Variants in RPRD1A observed in about 807,000 individuals in gnomAD.
RPRD1A encodes regulation of nuclear pre-mRNA domain-containing protein 1A.
A neutral mutation model predicts 37.8 loss-of-function variants in RPRD1A; 9 were observed. The observed-to-expected ratio is 0.24, with a 90% CI of 0.14 to 0.42. The LOEUF (loss-of-function observed/expected upper bound fraction) is 0.42, where lower values mean the gene tolerates loss of function less well. RPRD1A is among the 10% of genes least tolerant of loss of function. RPRD1A has a pLI of 1.00. For missense variants in RPRD1A, 255 were observed against 371.0 expected (o/e 0.69, Z 2.57); for synonymous variants, 138 against 139.7 (o/e 0.99, Z 0.08).
At position 36,015,183 on chromosome 18, in the gene RPRD1A, C is replaced by T. The variant is rs1368130276; in HGVS notation, c.789+11717G>A. Among the ~76,000 whole-genome samples the T allele has an allele frequency of 9.6e-3, 1,391 of 145,456 alleles. 34 individuals are homozygous for T. The highest frequency in any genetic ancestry group is 0.034 in the African/African-American group (1,303 of 37,944). ...ATATATACACATATATACACACACA[C>T]ACACACACACACACACACACATTCA... On this transcript the variant is annotated intron_variant, in intron 6 of 6. Transcript: ENST00000399022.
intron 6 of RPRD1A, among the ~76,000 whole-genome samples, chr18:36,020,417 A>T (rs944319954): frequency 1.3e-5 from 2 of 152,202 alleles, no homozygotes; most frequent in African/African-American, 4.8e-5. Flanking sequence ...CTCTGGAGAA[A>T]ATGAATGGCC....
chr18:35,996,467 TA>T, intron 6 of RPRD1A, among the ~76,000 whole-genome samples: 1 of 152,284 alleles, frequency 6.6e-6, no homozygotes, highest in East Asian at 1.9e-4. Context: ...TTTCAACTTT[TA>T]CTAAAAAGTG....
At chr18:36,024,919 C>T (rs567131220) in intron 6 of RPRD1A, 1 of 152,228 alleles carries the variant, frequency 6.6e-6, no homozygotes, top group African/African-American at 2.4e-5. Context: ...TATTTCTGTA[C>T]TTGTAAAGAG....
At chr18:36,052,065 G>A (rs1030374029) in intron 1 of RPRD1A, among the ~76,000 whole-genome samples, 6 of 151,262 alleles carry the variant, frequency 4.0e-5, no homozygotes, top group Non-Finnish European at 7.4e-5. Context: ...AATCTTGAAA[G>A]CAGCAAGGAG....
At chr18:36,031,399 G>A (rs1911781599) in intron 2 of RPRD1A, among the ~76,000 whole-genome samples, 1 of 152,164 alleles carries the variant, frequency 6.6e-6, no homozygotes, top group Admixed American at 6.5e-5. Flanking sequence ...TGGACATGGG[G>A]CTAAGGAAGA....
chr18:36,012,093 T>C (rs9963714), intron 6 of RPRD1A, among the ~76,000 whole-genome samples: 35,115 of 152,098 alleles, frequency 0.23, 4,096 homozygotes, highest in East Asian at 0.25. Flanking sequence ...AGTACAGTCA[T>C]ACACTGCATT....
At position 36,008,577 on chromosome 18, in the gene RPRD1A, G is replaced by GTGTGTGTGTATATATATATATATATATA; in HGVS notation, c.790-15278_790-15277insTATATATATATATATATATACACACACA. On this transcript the variant is annotated intron_variant, in intron 6 of 6. Coordinates refer to ENST00000399022, the MANE Select transcript of RPRD1A (RefSeq NM_018170.5). ...GGCGACACAGCAAGACCTTGTGTGT[G>GTGTGTGTGTATATATATATATATATATA]TATATATATATATCTTTAAAAATCT... is the stretch of plus-strand genomic sequence containing the variant. Among the ~76,000 whole-genome samples the GTGTGTGTGTATATATATATATATATATA allele has an allele frequency of 4.6e-3, 219 of 47,776 alleles. 15 individuals are homozygous for GTGTGTGTGTATATATATATATATATATA. Among genetic ancestry groups the GTGTGTGTGTATATATATATATATATATA allele is most frequent in the Admixed American group, 0.011 (39 of 3,558 alleles). The allele number at this position is 47,776 out of a possible 152,430, so 31.3% of individuals were successfully genotyped here.
At chr18:36,032,725 A>G (rs1176818728) in intron 2 of RPRD1A, among the ~76,000 whole-genome samples, 5 of 152,256 alleles carry the variant, frequency 3.3e-5, no homozygotes, top group African/African-American at 1.2e-4. Context: ...TAAAGGTAAC[A>G]TAATTTCTTG....
At chr18:36,064,789 C>G (rs1392302540) in intron 1 of RPRD1A, among the ~76,000 whole-genome samples, 1 of 152,192 alleles carries the variant, frequency 6.6e-6, no homozygotes, top group African/African-American at 2.4e-5. Context: ...TTTGTTCTTT[C>G]ACTCTTCACA....
At chr18:36,055,199 G>A (rs1913675345) in intron 1 of RPRD1A, among the ~76,000 whole-genome samples, 1 of 152,144 alleles carries the variant, frequency 6.6e-6, no homozygotes, top group East Asian at 1.9e-4. Flanking sequence ...CAAAAATACT[G>A]TCCTTGACAA....
At chr18:36,013,684 A>AT (rs1262267562) in intron 6 of RPRD1A, among the ~76,000 whole-genome samples, 1 of 152,086 alleles carries the variant, frequency 6.6e-6, no homozygotes, top group Non-Finnish European at 1.5e-5. Flanking sequence ...TGACATCTTT[A>AT]TTTTTATCCT....
chr18:36,040,752 AAGCTTTTTAGGCAAGTGGTACTTACAT>A, intron 1 of RPRD1A: 2 of 1,110,316 alleles, frequency 1.8e-6, no homozygotes, highest in Non-Finnish European at 2.5e-6. Context: ...AAAAATTTCT[AAGCTTTTTAGGCAAGTGGTACTTACAT>A]AGAAGAAAAG....
chr18:36,048,354 C>G (rs1006173500), intron 1 of RPRD1A, among the ~76,000 whole-genome samples: 1 of 152,088 alleles, frequency 6.6e-6, no homozygotes, highest in Non-Finnish European at 1.5e-5. Context: ...GCGTGAGCCA[C>G]CGCACCCGGC....
chr18:36,067,097 C>T (rs1026366748), intron 1 of RPRD1A, among the ~76,000 whole-genome samples, 157 bp downstream of exon 1: 1 of 152,240 alleles, frequency 6.6e-6, no homozygotes, highest in Non-Finnish European at 1.5e-5. Context: ...CCAGACTTTG[C>T]AGAAGCGTGG....
Position 36,008,577 on chromosome 18 carries a change from G to GTGTGTGTGTGTGTATATATATATA in RPRD1A, c.790-15278_790-15277insTATATATATATACACACACACACA. ...GGCGACACAGCAAGACCTTGTGTGT[G>GTGTGTGTGTGTGTATATATATATA]TATATATATATATCTTTAAAAATCT... On this transcript the variant is annotated intron_variant, in intron 6 of 6. Transcript: ENST00000399022. 1.9e-4 allele frequency among the ~76,000 whole-genome samples: 9 copies of GTGTGTGTGTGTGTATATATATATA among 47,802 alleles called. 2 individuals are homozygous for GTGTGTGTGTGTGTATATATATATA. Among genetic ancestry groups the GTGTGTGTGTGTGTATATATATATA allele is most frequent in the African/African-American group, 6.1e-4 (9 of 14,812 alleles). 31.4% of individuals were successfully genotyped at this position (47,802 alleles called of 152,430 possible). A position where few individuals can be genotyped will look rare whatever the true frequency, so the allele number is the denominator to read the frequency against.
chr18:36,053,524 T>C (rs1913546119), intron 1 of RPRD1A, among the ~76,000 whole-genome samples: 1 of 152,214 alleles, frequency 6.6e-6, no homozygotes, highest in Non-Finnish European at 1.5e-5. Flanking sequence ...GAATATAATA[T>C]TCCAGCGTGT....
chr18:36,030,588 T>C (rs1911705300), intron 4 of RPRD1A, among the ~76,000 whole-genome samples: 1 of 152,202 alleles, frequency 6.6e-6, no homozygotes, highest in Non-Finnish European at 1.5e-5. Context: ...AAAAATCCTC[T>C]TTCTATACAA....
intron 6 of RPRD1A, among the ~76,000 whole-genome samples, chr18:36,022,278 A>G (rs1911045799): frequency 6.6e-6 from 1 of 152,212 alleles, no homozygotes; most frequent in Admixed American, 6.5e-5. Flanking sequence ...GTGAAGCAGC[A>G]AGGGCTGAAC....
intron 1 of RPRD1A, among the ~76,000 whole-genome samples, chr18:36,039,260 G>A (rs1158984325): frequency 6.6e-6 from 1 of 152,208 alleles, no homozygotes; most frequent in Non-Finnish European, 1.5e-5. Context: ...ATGCAGAACT[G>A]TGAGTCAATT....
Sources: allele counts gnomAD v4.1 joint callset (sites outside exome capture counted in the v4.1 genomes callset), GRCh38; gene constraint gnomAD v4.1.1; transcripts MANE v1.5; gene names NCBI Gene and HGNC (gene_info 2026-07-23, HGNC 2026-07-21).